The following PRH1 variants were observed in gnomAD, a reference collection of about 807,000 sequenced individuals.
The protein encoded by PRH1 is proline rich protein HaeIII subfamily 1.
Under a neutral mutation model 7.9 loss-of-function variants are expected in PRH1, and 7 were observed. That is an observed-to-expected ratio of 0.89 (90% confidence interval 0.50 to 1.67). The LOEUF is 1.67. PRH1 is among the 40% of genes most tolerant of loss of function. The pLI is 0.00. For synonymous variants in PRH1, 45 were observed against 80.8 expected (o/e 0.56, Z 2.38); for missense variants, 109 against 223.6 (o/e 0.49, Z 3.27).
At chr12:11,144,015 C>T (rs948509173) in intron 1 of PRH1, among the ~76,000 whole-genome samples, 2 of 152,128 alleles carry the variant, frequency 1.3e-5, no homozygotes, top group Non-Finnish European at 2.9e-5. Context: ...ATGGACTCCA[C>T]GGGGGTCCTT....
chr12:11,142,018 CAT>C (rs1307699266), intron 1 of PRH1, among the ~76,000 whole-genome samples: 6 of 152,096 alleles, frequency 3.9e-5, no homozygotes, highest in African/African-American at 1.4e-4. Context: ...GTCTTCAACT[CAT>C]GTGCTCAAGT....
chr12:11,025,171 C>A (rs1271568150), intron 1 of PRH1, among the ~76,000 whole-genome samples: 4 of 152,084 alleles, frequency 2.6e-5, no homozygotes, highest in African/African-American at 9.7e-5. Flanking sequence ...GTGCCCGCCA[C>A]CACGCCAGGC....
At chr12:10,924,417 C>T (rs1042959032) in intron 2 of PRH1, among the ~76,000 whole-genome samples, 2 of 152,214 alleles carry the variant, frequency 1.3e-5, no homozygotes, top group African/African-American at 4.8e-5. Context: ...TGGATAGTCT[C>T]TCATTGTGGT....
chr12:10,986,790 T>C (rs774641333), intron 1 of PRH1: 12 of 1,584,324 alleles, frequency 7.6e-6, no homozygotes, highest in African/African-American at 2.7e-5. Context: ...TATGAAGCCA[T>C]TGGCAAAGTT....
chr12:10,993,009 A>T (rs1283154372), intron 1 of PRH1, among the ~76,000 whole-genome samples: 1 of 152,204 alleles, frequency 6.6e-6, no homozygotes, highest in Non-Finnish European at 1.5e-5. Context: ...CAAAAAACTC[A>T]AAAGTTCCAG....
chr12:10,987,665 T>C (rs192665543), intron 1 of PRH1, among the ~76,000 whole-genome samples: 24 of 151,894 alleles, frequency 1.6e-4, no homozygotes, highest in Admixed American at 1.1e-3. Flanking sequence ...TTAGTCCTAT[T>C]TTCCCAGTGA....
chr12:10,993,007 T>G (rs987138700), intron 1 of PRH1, among the ~76,000 whole-genome samples: 6 of 152,158 alleles, frequency 3.9e-5, no homozygotes, highest in African/African-American at 1.2e-4. Flanking sequence ...GACAAAAAAC[T>G]CAAAAGTTCC....
intron 1 of PRH1, among the ~76,000 whole-genome samples, chr12:11,165,098 G>C (rs943225443): frequency 1.3e-5 from 2 of 152,112 alleles, no homozygotes; most frequent in Admixed American, 1.3e-4. Context: ...TTTTGTTGCT[G>C]AGTAGTATTC....
chr12:11,076,506 A>C lies in PRH1; in HGVS notation n.124-29318T>G, dbSNP rs796328886. Reference sequence around the variant, plus strand: ...CAAAGGAGAAAATTGGAAATTCAGGAGCTCAGAGGTGGCTAAGAAAATAAA... The same window carrying C: ...CAAAGGAGAAAATTGGAAATTCAGGCGCTCAGAGGTGGCTAAGAAAATAAA... On this transcript the variant is annotated intron_variant and non_coding_transcript_variant, in intron 1 of 4. Transcript: ENST00000541977. Among the ~76,000 whole-genome samples the C allele has an allele frequency of 2.6e-5, 3 of 114,540 alleles. 1 individual carries two copies. Among genetic ancestry groups the C allele is most frequent in the African/African-American group, 9.2e-5 (3 of 32,490 alleles). 75.1% of individuals were successfully genotyped at this position (114,540 alleles called of 152,430 possible).
rs1407312777 is a variant in PRH1 at position 10,993,519 on chromosome 12, G to C, written c.-125-19798C>G. On this transcript the variant is annotated intron_variant, in intron 1 of 3. Transcript: ENST00000539853. ...CTATAACATAGATGATGATTTTAGG[G>C]GTCCAGTGCTCCTAGTCCACATGCT... Among the ~76,000 whole-genome samples, 3 of 152,070 alleles carry C rather than the reference G, an allele frequency of 2.0e-5. No homozygotes were observed. The East Asian group carries it at 5.8e-4, about 29-fold the overall frequency.
At chr12:11,101,324 C>CA (rs1156779304) in intron 1 of PRH1, among the ~76,000 whole-genome samples, 1 of 151,952 alleles carries the variant, frequency 6.6e-6, no homozygotes, top group East Asian at 1.9e-4. Context: ...CATGTCTCTA[C>CA]AAAAAAATAG....
intron 2 of PRH1, chr12:10,939,277 C>T: frequency 1.2e-6 from 1 of 834,388 alleles, no homozygotes; most frequent in Non-Finnish European, 1.8e-6. Context: ...ATCTAAAATG[C>T]TATGTATATC....
intron 1 of PRH1, among the ~76,000 whole-genome samples, chr12:11,074,652 TA>T (rs539895663): frequency 2.1e-5 from 2 of 93,612 alleles, no homozygotes; most frequent in African/African-American, 3.3e-5. Context: ...GACAAAAAAT[TA>T]AAAAAAAAAC....
intron 1 of PRH1, among the ~76,000 whole-genome samples, chr12:11,012,788 G>A (rs917916752): frequency 2.0e-5 from 3 of 151,974 alleles, no homozygotes; most frequent in African/African-American, 7.2e-5. Flanking sequence ...GAAAACATGG[G>A]CTCATACGAT....
At chr12:11,139,279 T>C (rs1946641246) in intron 1 of PRH1, among the ~76,000 whole-genome samples, 1 of 152,132 alleles carries the variant, frequency 6.6e-6, no homozygotes, top group Non-Finnish European at 1.5e-5. Context: ...ACATTAACAT[T>C]GATGTTACCA....
At chr12:11,030,400 A>G (rs201119743) in intron 1 of PRH1, 6,949 of 1,505,352 alleles carry the variant, frequency 4.6e-3, no homozygotes, top group South Asian at 0.015. Context: ...TGCCCCTCTC[A>G]TGAATCTATG....
At chr12:10,945,320 G>C (rs955443751) in intron 2 of PRH1, among the ~76,000 whole-genome samples, 4 of 152,102 alleles carry the variant, frequency 2.6e-5, no homozygotes, top group East Asian at 1.9e-4. Flanking sequence ...ATTTCACTTA[G>C]GTTCTTTTCT....
intron 1 of PRH1, among the ~76,000 whole-genome samples, chr12:11,090,438 A>T (rs559109527): frequency 8.6e-6 from 1 of 116,892 alleles, no homozygotes; most frequent in South Asian, 2.3e-4. Context: ...TACTAAAATA[A>T]TTTACATGAG....
At chr12:10,891,656 G>C (rs1249552757) in intron 2 of PRH1, 1 of 44,164 alleles carries the variant, frequency 2.3e-5, no homozygotes, top group Non-Finnish European at 7.9e-5. Flanking sequence ...CTTGTCACTT[G>C]TTGTACTTGC....
Sources: allele counts gnomAD v4.1 joint callset (sites outside exome capture counted in the v4.1 genomes callset), GRCh38; gene constraint gnomAD v4.1.1; transcripts MANE v1.5; gene names NCBI Gene and HGNC (gene_info 2026-07-23, HGNC 2026-07-21).